Variants in GALNT18 observed in about 807,000 individuals in gnomAD.
The protein encoded by GALNT18 is GalNAc-transferase 18.
A neutral mutation model predicts 69.5 loss-of-function variants in GALNT18; 44 were observed. The ratio of observed to expected loss-of-function variants is 0.63; its 90% CI spans 0.50 to 0.81. The LOEUF (loss-of-function observed/expected upper bound fraction) is 0.81, where lower values mean the gene tolerates loss of function less well. GALNT18 is among the 40% of genes least tolerant of loss of function. The pLI, the probability that GALNT18 is intolerant of heterozygous loss-of-function variation, is 0.00. For missense variants in GALNT18, 715 were observed against 810.0 expected (o/e 0.88, Z 1.42); for synonymous variants, 364 against 318.2 (o/e 1.14, Z -1.53).
rs974925548 is a variant in GALNT18, at chr11:11,620,747, G to T, written c.235+612C>A. The stretch of plus-strand genomic sequence containing the variant: ...ACCCGCGGGCTGTGGTGGGGGTAGG[G>T]ACTGCTATAGGTTCAAGCGGCTTTT... On this transcript the variant is annotated intron_variant, in intron 1 of 10. Coordinates refer to ENST00000227756, the MANE Select transcript of GALNT18 (RefSeq NM_198516.3). This position sits in a 1 kb window ranked among gnomAD's most constrained non-coding sequence, Gnocchi z 6.9. Among the ~76,000 whole-genome samples, 1 of 152,134 alleles carries T rather than the reference G, an allele frequency of 6.6e-6. No individual in the cohort carries two copies. The highest frequency in any genetic ancestry group is 6.5e-5 in the Admixed American group (1 of 15,286).
intron 1 of GALNT18, among the ~76,000 whole-genome samples, chr11:11,456,478 A>T (rs1316696922): frequency 6.6e-6 from 1 of 152,142 alleles, no homozygotes; most frequent in Non-Finnish European, 1.5e-5. Context: ...GCCGCCTAAA[A>T]TACCTCCAGG....
At position 11,389,013 on chromosome 11, in the gene GALNT18, C is replaced by A. The variant is rs1367922028; in HGVS notation, c.596-9749G>T. Among the ~76,000 whole-genome samples the A allele has an allele frequency of 6.6e-6, 1 of 152,132 alleles. No homozygotes were observed. Among genetic ancestry groups the A allele is most frequent in the African/African-American group, 2.4e-5 (1 of 41,422 alleles). ...CTGTTCCATAGATGAGGAAACACAG[C>A]CCAGAGAGGCTAAAGGATTTGCCCA... On this transcript the variant is annotated intron_variant, in intron 3 of 10. Transcript: ENST00000227756. This position sits in a 1 kb window ranked among gnomAD's most constrained non-coding sequence, Gnocchi z 4.3.
chr11:11,394,399 G>A (rs1854272888), intron 3 of GALNT18, among the ~76,000 whole-genome samples: 2 of 152,230 alleles, frequency 1.3e-5, no homozygotes, highest in East Asian at 3.9e-4. Context: ...ATAAGTGAGT[G>A]GTAGAGAGAT....
At position 11,275,759 on chromosome 11, in the gene GALNT18, A is replaced by G. The variant is rs539197622; in HGVS notation, c.1678-4469T>C. Among the ~76,000 whole-genome samples the G allele has an allele frequency of 1.8e-3, 280 of 152,348 alleles. 3 individuals carry two copies. The highest frequency in any genetic ancestry group is 6.5e-3 in the African/African-American group (272 of 41,580). On this transcript the variant is annotated intron_variant, in intron 10 of 10. Transcript: ENST00000227756. Reference sequence around the variant, plus strand: ...TTCAGTTTTCTGCATATGGCTAGCCAGTTTCCCCAACACCATTTATTAAAT... The same window carrying G: ...TTCAGTTTTCTGCATATGGCTAGCCGGTTTCCCCAACACCATTTATTAAAT...
intron 1 of GALNT18, among the ~76,000 whole-genome samples, chr11:11,533,744 C>T (rs572216566): frequency 9.2e-5 from 14 of 152,290 alleles, no homozygotes; most frequent in African/African-American, 3.4e-4. Flanking sequence ...AAATGTTATC[C>T]AATCATTGGC....
intron 1 of GALNT18, among the ~76,000 whole-genome samples, chr11:11,473,083 C>A (rs1856308801): frequency 6.6e-6 from 1 of 152,198 alleles, no homozygotes; most frequent in African/African-American, 2.4e-5. Context: ...ATCCCACTTA[C>A]TGCTCTTACT....
At chr11:11,429,798 G>A (rs924519715) in intron 3 of GALNT18, among the ~76,000 whole-genome samples, 4 of 152,120 alleles carry the variant, frequency 2.6e-5, no homozygotes, top group African/African-American at 7.2e-5. Context: ...GAAGCCACAC[G>A]TTATTCCTGA....
At chr11:11,458,010 C>T (rs1302273327) in intron 1 of GALNT18, among the ~76,000 whole-genome samples, 5 of 152,314 alleles carry the variant, frequency 3.3e-5, no homozygotes, top group South Asian at 2.1e-4. Context: ...GCCATGGGCC[C>T]CGAGACCCTG....
intron 2 of GALNT18, among the ~76,000 whole-genome samples, chr11:11,447,797 C>G (rs1276175023): frequency 1.4e-4 from 21 of 152,226 alleles, no homozygotes; most frequent in Admixed American, 1.4e-3. Context: ...TACCTGGTCC[C>G]TCCCACAATA....
intron 1 of GALNT18, among the ~76,000 whole-genome samples, chr11:11,574,080 A>T (rs1033246345): frequency 5.3e-5 from 8 of 152,256 alleles, no homozygotes; most frequent in Non-Finnish European, 1.2e-4. Flanking sequence ...CAATCTAGGC[A>T]AGTCAATTAT....
intron 6 of GALNT18, among the ~76,000 whole-genome samples, chr11:11,353,672 A>G (rs1850467184): frequency 6.6e-6 from 1 of 152,192 alleles, no homozygotes; most frequent in African/African-American, 2.4e-5. Context: ...TGTCCCAGTC[A>G]GATTCAAATT....
At chr11:11,550,051 C>T (rs372929088) in intron 1 of GALNT18, among the ~76,000 whole-genome samples, 104 of 152,342 alleles carry the variant, frequency 6.8e-4, no homozygotes, top group South Asian at 5.4e-3. Context: ...GCCTCCAGGA[C>T]AGGACTCTGA....
chr11:11,400,385 CAA>C, intron 3 of GALNT18, among the ~76,000 whole-genome samples: 1 of 152,342 alleles, frequency 6.6e-6, no homozygotes, highest in Non-Finnish European at 1.5e-5. Flanking sequence ...GATCATTAGA[CAA>C]AGTGTTCCTT....
Position 11,430,393 on chromosome 11 carries a change from C to T in GALNT18, c.595+2228G>A, listed in dbSNP as rs929344941. 2.0e-5 allele frequency among the ~76,000 whole-genome samples: 3 copies of T among 152,202 alleles called. No homozygotes were observed. Among genetic ancestry groups the T allele is most frequent in the Non-Finnish European group, 4.4e-5 (3 of 68,044 alleles). ...ATGGCTACCATCCACAGAGCTTGTTCGGATCTCTCCTTACATAGGCAGGCA... is the reference window on the plus strand; with the variant it reads ...ATGGCTACCATCCACAGAGCTTGTTTGGATCTCTCCTTACATAGGCAGGCA... On this transcript the variant is annotated intron_variant, in intron 3 of 10. Coordinates refer to ENST00000227756, the MANE Select transcript of GALNT18 (RefSeq NM_198516.3). This position sits in a 1 kb window ranked among gnomAD's most constrained non-coding sequence, Gnocchi z 4.9.
intron 1 of GALNT18, among the ~76,000 whole-genome samples, chr11:11,483,307 T>C (rs538499021): frequency 6.6e-6 from 1 of 152,276 alleles, no homozygotes; most frequent in Admixed American, 6.5e-5. Flanking sequence ...TAAGAAGCCC[T>C]CCTCTGGTCT....
Position 11,404,420 on chromosome 11 carries a change from A to G in GALNT18, c.596-25156T>C, listed in dbSNP as rs1854540266. The stretch of plus-strand genomic sequence containing the variant: ...TGCCCATGAAATTTAGCAAGGCAAG[A>G]GGAGCAGGAGCAGGAGCTGAAGCAC... On this transcript the variant is annotated intron_variant, in intron 3 of 10. Coordinates refer to ENST00000227756, the MANE Select transcript of GALNT18 (RefSeq NM_198516.3). The surrounding 1 kb of genome is among the most constrained non-coding windows in gnomAD (Gnocchi z 4.5). 6.6e-6 allele frequency among the ~76,000 whole-genome samples: 1 copy of G among 152,150 alleles called. No homozygotes were observed. The highest frequency in any genetic ancestry group is 1.5e-5 in the Non-Finnish European group (1 of 68,020).
intron 3 of GALNT18, among the ~76,000 whole-genome samples, chr11:11,381,548 T>C (rs943824413): frequency 6.6e-6 from 1 of 152,204 alleles, no homozygotes; most frequent in Non-Finnish European, 1.5e-5. Flanking sequence ...ATTCACATCT[T>C]TGTGTGGCTG....
In GALNT18 at chr11:11,432,860, C is replaced by T. The variant is rs1855307434; in HGVS notation, c.429-73G>A. 2.0e-6 allele frequency: 3 copies of T among 1,501,798 alleles called. No individual in the cohort carries two copies. Among genetic ancestry groups the T allele is most frequent in the Non-Finnish European group, 2.7e-6 (3 of 1,101,620 alleles). 93.0% of individuals were successfully genotyped at this position (1,501,798 alleles called of 1,614,324 possible). A position where few individuals can be genotyped will look rare whatever the true frequency, so the allele number is the denominator to read the frequency against. On this transcript the variant is annotated intron_variant, in intron 2 of 10. Coordinates refer to ENST00000227756, the MANE Select transcript of GALNT18 (RefSeq NM_198516.3). The surrounding 1 kb of genome is among the most constrained non-coding windows in gnomAD (Gnocchi z 5.8). The stretch of plus-strand genomic sequence containing the variant: ...TCTCAGGAGCTGACCCAGCCCATGT[C>T]CTGGCTCCAGCTTTGCTGGAGGGCT...
intron 1 of GALNT18, among the ~76,000 whole-genome samples, chr11:11,474,953 A>T (rs1452635841): frequency 1.3e-5 from 2 of 152,324 alleles, no homozygotes; most frequent in East Asian, 3.9e-4. Flanking sequence ...ATGTCAATAT[A>T]AAAATGGGCA....
Sources: gnomAD v4.1 joint callset for allele counts (sites outside exome capture counted in the v4.1 genomes callset) on GRCh38, gnomAD v4.1.1 for gene constraint, Gnocchi (gnomAD v3.1) non-coding constraint, MANE v1.5 for transcripts, NCBI Gene and HGNC (gene_info 2026-07-23, HGNC 2026-07-21) for gene names.